Variants in FOXK2 observed in about 807,000 individuals in gnomAD.
The protein encoded by FOXK2 is forkhead box protein K2.
In FOXK2, 24 loss-of-function variants were observed where a neutral mutation model predicts 53.3. That is an observed-to-expected ratio of 0.45 (90% CI 0.33 to 0.63). The LOEUF (loss-of-function observed/expected upper bound fraction) is 0.63, where lower values mean the gene tolerates loss of function less well. FOXK2 is among the 30% of genes least tolerant of loss of function. FOXK2 has a pLI of 0.03. For synonymous variants in FOXK2, 505 were observed against 407.1 expected, an observed-to-expected ratio of 1.24 and a Z score of -2.89; for missense variants, 952 against 910.5, an observed-to-expected ratio of 1.05 and a Z score of -0.59.
At chr17:82,531,229 A>G (rs1409024290) in intron 1 of FOXK2, among the ~76,000 whole-genome samples, 2 of 152,310 alleles carry the variant, frequency 1.3e-5, no homozygotes, top group East Asian at 3.9e-4. Context: ...GGTACTCGAT[A>G]GGACTCAAAT....
intron 1 of FOXK2, among the ~76,000 whole-genome samples, chr17:82,538,445 G>A (rs1194211345): frequency 6.6e-6 from 1 of 152,126 alleles, no homozygotes; most frequent in African/African-American, 2.4e-5. Context: ...TGCTCGTGCC[G>A]CTGCGCTCCA....
At chr17:82,597,653 C>A in intron 8 of FOXK2, among the ~76,000 whole-genome samples, 1 of 152,100 alleles carries the variant, frequency 6.6e-6, no homozygotes, top group South Asian at 2.1e-4. Context: ...CATTTCTTTT[C>A]TTTCTTTTTT....
intron 1 of FOXK2, among the ~76,000 whole-genome samples, chr17:82,523,692 G>A (rs554260339): frequency 1.0e-3 from 159 of 152,014 alleles, no homozygotes; most frequent in African/African-American, 3.3e-3. Flanking sequence ...GGTCAGGCTG[G>A]TCTTGAACTC....
chr17:82,563,312 T>A, intron 1 of FOXK2, 42 bp from the exon 2 acceptor site: 1 of 1,584,620 alleles, frequency 6.3e-7, no homozygotes, highest in Non-Finnish European at 8.6e-7. Context: ...CTGCCCCGGC[T>A]GGAACAGCAA....
At chr17:82,533,753 C>T (rs866670043) in intron 1 of FOXK2, among the ~76,000 whole-genome samples, 4 of 151,780 alleles carry the variant, frequency 2.6e-5, no homozygotes, top group South Asian at 4.2e-4. Flanking sequence ...CTTGAAACGA[C>T]GTGAATTTTG....
At chr17:82,586,932 C>G (rs1256086505) in intron 7 of FOXK2, 131 bp from the exon 8 acceptor site, 5 of 838,934 alleles carry the variant, frequency 6.0e-6, no homozygotes, top group Non-Finnish European at 9.5e-6. Context: ...TCATCTTTTT[C>G]TAATTTGCTG....
rs757286935 is a variant in FOXK2, at chr17:82,582,707, A to G, written c.910-34A>G. On this transcript the variant is annotated intron_variant, in intron 4 of 8. Coordinates refer to ENST00000335255, the MANE Select transcript of FOXK2 (RefSeq NM_004514.4). ...CATTTTTATTTCTCAGCAAATAAATATATGAATTCTACGTATTTTTTTATG... is the reference window on the plus strand; with the variant it reads ...CATTTTTATTTCTCAGCAAATAAATGTATGAATTCTACGTATTTTTTTATG... 1.1e-5 allele frequency: 17 copies of G among 1,505,814 alleles called. No individual in the cohort carries two copies. The Middle Eastern group carries it at 2.1e-3, about 188-fold the overall frequency. The allele number at this position is 1,505,814 out of a possible 1,614,324, so 93.3% of individuals were successfully genotyped here. A position where few individuals can be genotyped will look rare whatever the true frequency, so the allele number is the denominator to read the frequency against.
intron 4 of FOXK2, chr17:82,577,212 A>G (rs2044998670): frequency 1.6e-5 from 18 of 1,143,018 alleles, no homozygotes; most frequent in Non-Finnish European, 2.3e-5. Context: ...ATAGGTGTGT[A>G]GGTGAGTTTA....
At position 82,541,464 on chromosome 17, in the gene FOXK2, G is replaced by A. The variant is rs148369970; in HGVS notation, c.419+21157G>A. 3.6e-4 allele frequency among the ~76,000 whole-genome samples: 54 copies of A among 152,010 alleles called. No homozygotes were observed. In the East Asian group the frequency reaches 9.5e-3, roughly 27 times the overall value. Reference sequence around the variant, plus strand: ...ATTTTTGTATTTTTAGTAGAGACGGGGTTTAACCATGTTGGCCAAGGCTGG... The same window carrying A: ...ATTTTTGTATTTTTAGTAGAGACGGAGTTTAACCATGTTGGCCAAGGCTGG... On this transcript the variant is annotated intron_variant, in intron 1 of 8. Transcript: ENST00000335255.
intron 1 of FOXK2, among the ~76,000 whole-genome samples, chr17:82,532,546 T>TA (rs1396381500): frequency 6.6e-6 from 1 of 152,216 alleles, no homozygotes; most frequent in Non-Finnish European, 1.5e-5. Flanking sequence ...TATAAACTAA[T>TA]ACTTAGTTTA....
chr17:82,527,896 A>C (rs2044433909), intron 1 of FOXK2, among the ~76,000 whole-genome samples: 1 of 151,988 alleles, frequency 6.6e-6, no homozygotes, highest in African/African-American at 2.4e-5. Flanking sequence ...GAACTCCTGG[A>C]CTCAAGCGAT....
chr17:82,577,309 C>T, intron 4 of FOXK2: 1 of 996,224 alleles, frequency 1.0e-6, no homozygotes, highest in East Asian at 2.5e-5. Context: ...TGATAACGTT[C>T]TCTAAATATC....
chr17:82,593,429 GCCCC>G (rs2045276480), intron 8 of FOXK2: 1 of 152,474 alleles, frequency 6.6e-6, no homozygotes, highest in Non-Finnish European at 1.5e-5. Context: ...GGTAGATGAA[GCCCC>G]GCGCCCCCCT....
chr17:82,555,579 C>T (rs1216226452), intron 1 of FOXK2, among the ~76,000 whole-genome samples: 3 of 151,872 alleles, frequency 2.0e-5, no homozygotes, highest in Non-Finnish European at 2.9e-5. Context: ...AGTCACAACC[C>T]AGGTAAAAGA....
Position 82,519,793 on chromosome 17 carries a change from C to A in FOXK2, c.-96C>A. ...GCCTCCGCTCGGCCCCCTCCCTCAG[C>A]TCCGGTGCGCGGCGGCCGACGACCC... On this transcript the variant is annotated 5_prime_UTR_variant, in exon 1 of 9. Transcript: ENST00000335255. 1 of 375,052 alleles carries A rather than the reference C, an allele frequency of 2.7e-6. No homozygotes were observed. Among genetic ancestry groups the A allele is most frequent in the Non-Finnish European group, 3.6e-6 (1 of 275,586 alleles). 23.2% of individuals were successfully genotyped at this position (375,052 alleles called of 1,614,324 possible).
At chr17:82,576,035 G>A (rs1483434466) in intron 4 of FOXK2, among the ~76,000 whole-genome samples, 1 of 127,164 alleles carries the variant, frequency 7.9e-6, no homozygotes, top group African/African-American at 3.2e-5. Flanking sequence ...CGGCGGGTTC[G>A]TCCACACCAG....
At chr17:82,579,336 G>A (rs957216813) in intron 4 of FOXK2, among the ~76,000 whole-genome samples, 1 of 152,212 alleles carries the variant, frequency 6.6e-6, no homozygotes, top group Non-Finnish European at 1.5e-5. Context: ...AAGATTGGGC[G>A]TCAGCTAAAG....
chr17:82,596,620 G>A (rs568634551), intron 8 of FOXK2, among the ~76,000 whole-genome samples: 3 of 152,242 alleles, frequency 2.0e-5, no homozygotes, highest in South Asian at 4.1e-4. Flanking sequence ...AGGAGGTGTC[G>A]CTCCTCCAAC....
chr17:82,588,086 G>T (rs2045211995), intron 8 of FOXK2, among the ~76,000 whole-genome samples: 1 of 152,110 alleles, frequency 6.6e-6, no homozygotes, highest in South Asian at 2.1e-4. Context: ...AAACCTGCAG[G>T]TACCTCCTAC....
Sources: allele counts gnomAD v4.1 joint callset (sites outside exome capture counted in the v4.1 genomes callset), GRCh38; gene constraint gnomAD v4.1.1; transcripts MANE v1.5; gene names NCBI Gene and HGNC (gene_info 2026-07-23, HGNC 2026-07-21).